The following RIMS2 variants were observed in gnomAD, a reference collection of about 807,000 sequenced individuals.
RIMS2 encodes regulating synaptic membrane exocytosis protein 2.
In RIMS2, 59 loss-of-function variants were observed where a neutral mutation model predicts 174.4. The ratio of observed to expected loss-of-function variants is 0.34; its 90% confidence interval spans 0.27 to 0.42. RIMS2 has a LOEUF of 0.42. RIMS2 is among the 10% of genes least tolerant of loss of function. The probability of loss-of-function intolerance (pLI) is 1.00; values close to 1 mark genes in which losing one functional copy is unlikely to be tolerated. For missense variants in RIMS2, 1,620 were observed against 1,666.3 expected (o/e 0.97, Z 0.48); for synonymous variants, 606 against 572.5 (o/e 1.06, Z -0.84).
chr8:103,789,233 G>A (rs1471259322), intron 3 of RIMS2, among the ~76,000 whole-genome samples: 1 of 152,072 alleles, frequency 6.6e-6, no homozygotes, highest in African/African-American at 2.4e-5. Context: ...ACCGTCTTTT[G>A]TGTCGCTCTC....
At chr8:103,868,129 A>G (rs1380339263) in intron 3 of RIMS2, among the ~76,000 whole-genome samples, 1 of 152,080 alleles carries the variant, frequency 6.6e-6, no homozygotes, top group Non-Finnish European at 1.5e-5. Flanking sequence ...AGAGATTGTA[A>G]CAGCTAAGTA....
chr8:104,066,110 T>C (rs1375188773), intron 19 of RIMS2, among the ~76,000 whole-genome samples: 3 of 152,132 alleles, frequency 2.0e-5, no homozygotes, highest in South Asian at 2.1e-4. Flanking sequence ...GCCACACTTA[T>C]TATATATGCA....
chr8:104,170,206 C>T (rs1229678882), intron 19 of RIMS2, among the ~76,000 whole-genome samples: 1 of 151,940 alleles, frequency 6.6e-6, no homozygotes, highest in Non-Finnish European at 1.5e-5. Context: ...AGTTTAAGTC[C>T]ATTTTTTTGT....
intron 3 of RIMS2, among the ~76,000 whole-genome samples, chr8:103,775,854 A>C (rs1238868959): frequency 2.6e-5 from 4 of 152,158 alleles, no homozygotes; most frequent in Admixed American, 1.3e-4. Flanking sequence ...TATGTAACTT[A>C]AATATTTCAA....
chr8:104,077,437 A>G (rs1031137871), intron 19 of RIMS2, among the ~76,000 whole-genome samples: 1 of 151,898 alleles, frequency 6.6e-6, no homozygotes, highest in African/African-American at 2.4e-5. Context: ...ATTTAAAAAA[A>G]TGATACTTTT....
At chr8:103,546,791 C>T (rs944651722) in intron 1 of RIMS2, among the ~76,000 whole-genome samples, 1 of 152,186 alleles carries the variant, frequency 6.6e-6, no homozygotes, top group African/African-American at 2.4e-5. Flanking sequence ...CTCCCTGAGT[C>T]CCTGACTCCC....
intron 3 of RIMS2, among the ~76,000 whole-genome samples, chr8:103,861,308 T>C (rs188784341): frequency 6.6e-6 from 1 of 152,296 alleles, no homozygotes; most frequent in African/African-American, 2.4e-5. Flanking sequence ...AAGGACATGA[T>C]TTCATTCTTT....
At chr8:103,745,862 G>C (rs536403294) in intron 2 of RIMS2, among the ~76,000 whole-genome samples, 3 of 152,102 alleles carry the variant, frequency 2.0e-5, no homozygotes, top group Non-Finnish European at 4.4e-5. Flanking sequence ...ACCCTTATCA[G>C]ATGTATAATT....
chr8:103,789,771 T>TTTTTTTTTTG (rs2098479552), intron 3 of RIMS2, among the ~76,000 whole-genome samples: 1 of 100,678 alleles, frequency 9.9e-6, no homozygotes, highest in African/African-American at 4.3e-5. Flanking sequence ...TTTTTTTTTT[T>TTTTTTTTTTG]GAGACAGGGT....
intron 19 of RIMS2, among the ~76,000 whole-genome samples, chr8:104,054,074 C>T: frequency 6.6e-6 from 1 of 152,104 alleles, no homozygotes; most frequent in Admixed American, 6.6e-5. Context: ...GCCAACATTA[C>T]ATTTAGAAAA....
chr8:103,769,728 G>C (rs1275328790), intron 3 of RIMS2, among the ~76,000 whole-genome samples: 1 of 152,172 alleles, frequency 6.6e-6, no homozygotes, highest in Non-Finnish European at 1.5e-5. Flanking sequence ...ATAAACAATT[G>C]AAATTGACCT....
At chr8:104,088,244 A>G (rs1407781886) in intron 19 of RIMS2, among the ~76,000 whole-genome samples, 1 of 152,076 alleles carries the variant, frequency 6.6e-6, no homozygotes, top group Non-Finnish European at 1.5e-5. Context: ...TGTTACTATC[A>G]AAGAGCAACA....
intron 19 of RIMS2, among the ~76,000 whole-genome samples, chr8:104,088,860 C>T (rs954585915): frequency 6.6e-6 from 1 of 151,882 alleles, no homozygotes; most frequent in Admixed American, 6.6e-5. Flanking sequence ...CAATAATAGC[C>T]TTCTTTTCAA....
intron 1 of RIMS2, among the ~76,000 whole-genome samples, chr8:103,667,382 T>G (rs1290932180): frequency 6.6e-6 from 1 of 152,194 alleles, no homozygotes; most frequent in Non-Finnish European, 1.5e-5. Flanking sequence ...AAATTTTTAA[T>G]CATTGCCTCA....
At chr8:103,670,536 A>C (rs1028500863) in intron 1 of RIMS2, among the ~76,000 whole-genome samples, 4 of 152,198 alleles carry the variant, frequency 2.6e-5, no homozygotes, top group African/African-American at 9.7e-5. Context: ...TGCTTTTAAC[A>C]GCACCCAAGT....
chr8:104,057,921 GTA>G (rs1324367461), intron 19 of RIMS2, among the ~76,000 whole-genome samples: 1 of 152,002 alleles, frequency 6.6e-6, no homozygotes, highest in Non-Finnish European at 1.5e-5. Flanking sequence ...TGGCTGCATA[GTA>G]TTCCATGGTG....
At chr8:103,896,552 T>C (rs1279634010) in intron 4 of RIMS2, among the ~76,000 whole-genome samples, 1 of 151,720 alleles carries the variant, frequency 6.6e-6, no homozygotes. Context: ...TGAAGAGAAA[T>C]AGTCAACACT....
chr8:104,090,566 G>A (rs984288849), intron 19 of RIMS2, among the ~76,000 whole-genome samples: 2 of 151,712 alleles, frequency 1.3e-5, no homozygotes, highest in African/African-American at 4.8e-5. Context: ...TGGATGTCAG[G>A]ATAAGGTTCT....
intron 1 of RIMS2, among the ~76,000 whole-genome samples, chr8:103,630,217 C>G (rs1050515760): frequency 1.3e-5 from 2 of 151,252 alleles, no homozygotes; most frequent in African/African-American, 4.9e-5. Context: ...AATAGTTTGA[C>G]TAGAAGAACA....
Sources: gnomAD v4.1 joint callset for allele counts (sites outside exome capture counted in the v4.1 genomes callset) on GRCh38, gnomAD v4.1.1 for gene constraint, MANE v1.5 for transcripts, NCBI Gene and HGNC (gene_info 2026-07-23, HGNC 2026-07-21) for gene names.